Variants in SPACA1 observed in about 807,000 individuals in gnomAD.
SPACA1 encodes sperm acrosome associated 1.
SPACA1 carries 17 observed loss-of-function variants against 32.6 expected under a neutral mutation model. That is an observed-to-expected ratio of 0.52 (90% CI 0.36 to 0.78). SPACA1 has a LOEUF of 0.78. Among genes scored for constraint, SPACA1 ranks in the 30% least tolerant of loss-of-function variants. The pLI is 0.01. For missense variants in SPACA1, 363 were observed against 373.4 expected, an observed-to-expected ratio of 0.97 and a Z score of 0.23; for synonymous variants, 140 against 138.1, an observed-to-expected ratio of 1.01 and a Z score of -0.10.
chr6:88,048,127 C>T lies in SPACA1; in HGVS notation c.208+14C>T. 1.3e-6 allele frequency: 2 copies of T among 1,576,172 alleles called. No individual in the cohort carries two copies. Among genetic ancestry groups the T allele is most frequent in the Non-Finnish European group, 1.7e-6 (2 of 1,160,994 alleles). On this transcript the variant is annotated intron_variant, in intron 1 of 6. Transcript: ENST00000237201. ...AAACCGAGGATGGTGAGGGCGGGAG[C>T]TCCCTTGCGGGGCACGCGGAGGCCC...
intron 2 of SPACA1, among the ~76,000 whole-genome samples, chr6:88,056,451 T>C (rs1775808508): frequency 6.6e-6 from 1 of 152,180 alleles, no homozygotes; most frequent in Non-Finnish European, 1.5e-5. Flanking sequence ...ATCCTTCCAT[T>C]TTCTTGTTTC....
Position 88,066,509 on chromosome 6 carries a change from A to G in SPACA1, c.*174A>G. The stretch of plus-strand genomic sequence containing the variant: ...ATCAGTGCATTTTTCCAGTACAGTT[A>G]TCAAATATTACTTTTAATTTGTTCT... On this transcript the variant is annotated 3_prime_UTR_variant, in exon 7 of 7. Transcript: ENST00000237201. 1 of 443,854 alleles carries G rather than the reference A, an allele frequency of 2.3e-6. No homozygotes were observed. The highest frequency in any genetic ancestry group is 3.7e-6 in the Non-Finnish European group (1 of 270,446). 27.5% of individuals were successfully genotyped at this position (443,854 alleles called of 1,614,324 possible). A position where few individuals can be genotyped will look rare whatever the true frequency, so the allele number is the denominator to read the frequency against.
chr6:88,052,144 T>C (rs1393370506), intron 1 of SPACA1, among the ~76,000 whole-genome samples: 1 of 152,242 alleles, frequency 6.6e-6, no homozygotes, highest in Admixed American at 6.5e-5. Flanking sequence ...AAAAAGTTAC[T>C]GAGTAAACTA....
intron 6 of SPACA1, 35 bp from the exon 7 acceptor site, chr6:88,066,147 C>T: frequency 6.5e-7 from 1 of 1,531,120 alleles, no homozygotes; most frequent in Non-Finnish European, 8.8e-7. Context: ...GTTTTCACTT[C>T]ATATGGTGGT....
intron 2 of SPACA1, among the ~76,000 whole-genome samples, 171 bp from the exon 3 acceptor site, chr6:88,057,441 A>G (rs1775826073): frequency 1.3e-5 from 2 of 152,242 alleles, no homozygotes; most frequent in African/African-American, 4.8e-5. Flanking sequence ...GTTTTAGGAA[A>G]TAATTCAAAA....
At position 88,047,971 on chromosome 6, in the gene SPACA1, G is replaced by A. The variant is rs1176759683; in HGVS notation, c.66G>A (p.Ala22=). Residue 22 remains alanine, a synonymous_variant, in exon 1 of 7, where the codon GCG becomes GCA. Transcript: ENST00000237201. ...TGACTGTCGGCTGGCTGCTTCTGGC[G>A]GGCCTCCAGTCCGCGCGCGGGACCA... The part of the protein sequence containing the change: ...LLMTVGWLLL[A]GLQSARGTNV... 2 of 1,566,316 alleles carry A rather than the reference G, an allele frequency of 1.3e-6. No individual in the cohort carries two copies. The highest frequency in any genetic ancestry group is 1.7e-6 in the Non-Finnish European group (2 of 1,157,364).
chr6:88,057,666 A>G lies in SPACA1; in HGVS notation c.320A>G (p.Lys107Arg), dbSNP rs1195611754. 1 of 1,614,138 alleles carries G rather than the reference A, an allele frequency of 6.2e-7. No individual in the cohort carries two copies. The highest frequency in any genetic ancestry group is 1.3e-5 in the African/African-American group (1 of 75,046). Reference sequence around the variant, plus strand: ...AATGGATGCCCTGGTGGTGAATCCAAGTGTGTTGTACGGGTAGAAGAATGC... The same window carrying G: ...AATGGATGCCCTGGTGGTGAATCCAGGTGTGTTGTACGGGTAGAAGAATGC... ...LTNGCPGGES[K>R]CVVRVEECRG... is the part of the protein sequence containing the mutation. The change falls in exon 3 of 7, where the codon AAG becomes AGG. Residue 107 changes from lysine (K) to arginine (R), a missense_variant. Lys to Arg is a conservative substitution (Grantham distance 26). Coordinates refer to ENST00000237201, the MANE Select transcript of SPACA1 (RefSeq NM_030960.3).
chr6:88,057,829 G>A, intron 3 of SPACA1, 116 bp downstream of exon 3: 1 of 717,072 alleles, frequency 1.4e-6, no homozygotes, highest in Non-Finnish European at 2.4e-6. Context: ...ATACTCAAAG[G>A]AAATCATAAA....
chr6:88,056,383 GC>G (rs144459952), intron 2 of SPACA1, among the ~76,000 whole-genome samples: 6,131 of 152,194 alleles, frequency 0.04, 403 homozygotes, highest in African/African-American at 0.14. Flanking sequence ...CTCAAGTGGA[GC>G]CGTACTTCAG....
intron 1 of SPACA1, among the ~76,000 whole-genome samples, chr6:88,048,970 A>G (rs1196306525): frequency 6.6e-6 from 1 of 152,092 alleles, no homozygotes; most frequent in Non-Finnish European, 1.5e-5. Context: ...GCATTCTCAT[A>G]TCTCTTCAGT....
Position 88,048,033 on chromosome 6 carries a change from A to G in SPACA1, c.128A>G (p.His43Arg). 1 of 1,601,290 alleles carries G rather than the reference A, an allele frequency of 6.2e-7. No individual in the cohort carries two copies. The highest frequency in any genetic ancestry group is 8.5e-7 in the Non-Finnish European group (1 of 1,175,588). ...TAAVQDAGLA[H>R]EGEGEEETEN... ...GCCGTCCAGGATGCCGGCCTGGCCC[A>G]CGAAGGCGAGGGCGAGGAGGAGACC... The change falls in exon 1 of 7, where the codon CAC becomes CGC. Residue 43 changes from histidine (H) to arginine (R), a missense_variant. By Grantham distance (29) the His-to-Arg change is conservative (BLOSUM62 0). Transcript: ENST00000237201.
intron 5 of SPACA1, among the ~76,000 whole-genome samples, chr6:88,060,825 C>T (rs1484782302): frequency 6.6e-6 from 1 of 152,158 alleles, no homozygotes; most frequent in Non-Finnish European, 1.5e-5. Flanking sequence ...GTGTGGTTAA[C>T]TCCTCTCATA....
intron 6 of SPACA1, among the ~76,000 whole-genome samples, chr6:88,064,806 A>G (rs546393938): frequency 8.1e-5 from 12 of 148,442 alleles, no homozygotes; most frequent in African/African-American, 2.7e-4. Flanking sequence ...ATGTATATAC[A>G]ATATACATAT....
At chr6:88,065,813 A>G (rs1160359526) in intron 6 of SPACA1, among the ~76,000 whole-genome samples, 3 of 148,226 alleles carry the variant, frequency 2.0e-5, no homozygotes, top group African/African-American at 5.0e-5. Context: ...AGTAATTTTT[A>G]TCATTATAAT....
chr6:88,064,726 T>G (rs1262930488), intron 6 of SPACA1, among the ~76,000 whole-genome samples: 2 of 149,776 alleles, frequency 1.3e-5, no homozygotes, highest in Non-Finnish European at 3.0e-5. Context: ...TATATATGTT[T>G]TATATATATG....
chr6:88,050,279 T>C (rs1775709754), intron 1 of SPACA1, among the ~76,000 whole-genome samples: 2 of 152,246 alleles, frequency 1.3e-5, no homozygotes, highest in Non-Finnish European at 2.9e-5. Flanking sequence ...GCTAACTACA[T>C]GATAATACCA....
At chr6:88,062,498 A>G (rs967503369) in intron 5 of SPACA1, among the ~76,000 whole-genome samples, 6 of 152,250 alleles carry the variant, frequency 3.9e-5, no homozygotes, top group African/African-American at 1.4e-4. Context: ...CAATAAAGCT[A>G]TGTAATTCAC....
At chr6:88,059,926 A>G (rs1305795516) in intron 5 of SPACA1, among the ~76,000 whole-genome samples, 2 of 152,230 alleles carry the variant, frequency 1.3e-5, no homozygotes, top group Admixed American at 6.5e-5. Flanking sequence ...TCTAACTTGA[A>G]TTATATTCTT....
chr6:88,058,646 A>T, intron 3 of SPACA1, 70 bp from the exon 4 acceptor site: 1 of 1,151,670 alleles, frequency 8.7e-7, no homozygotes, highest in Non-Finnish European at 1.3e-6. Context: ...CTCAGGAAAA[A>T]AAAAAGTAAT....
Sources: allele counts gnomAD v4.1 joint callset (sites outside exome capture counted in the v4.1 genomes callset), GRCh38; gene constraint gnomAD v4.1.1; transcripts MANE v1.5; gene names NCBI Gene and HGNC (gene_info 2026-07-23, HGNC 2026-07-21).